Variants in RPTOR observed in about 807,000 individuals in gnomAD.
RPTOR encodes regulatory-associated protein of mTOR.
A neutral mutation model predicts 169.9 loss-of-function variants in RPTOR; 21 were observed. The observed-to-expected ratio is 0.12, with a 90% CI of 0.09 to 0.18. The LOEUF (loss-of-function observed/expected upper bound fraction) is 0.18, where lower values mean the gene tolerates loss of function less well. Ranked by LOEUF, RPTOR falls within the 10% of genes least tolerant of loss-of-function variation. RPTOR has a pLI of 1.00. For synonymous variants in RPTOR, 732 were observed against 753.2 expected (o/e 0.97, Z 0.46); for missense variants, 1,133 against 1,855.9 (o/e 0.61, Z 7.16).
intron 3 of RPTOR, among the ~76,000 whole-genome samples, chr17:80,677,776 C>A (rs1299352559): frequency 1.2e-5 from 1 of 83,484 alleles, no homozygotes; most frequent in Admixed American, 9.2e-5. Context: ...ACAAAATAAA[C>A]CCCAAGAAAG....
Position 80,965,127 on chromosome 17 carries a change from G to A in RPTOR, c.*797G>A. On this transcript the variant is annotated 3_prime_UTR_variant, in exon 34 of 34. Coordinates refer to ENST00000306801, the MANE Select transcript of RPTOR (RefSeq NM_020761.3). ...AGGTAGCCCCTGCCTTAATCCACGG[G>A]GCTCCTTTCCCTCCGAAGGGCTGCT... 4.3e-6 allele frequency: 1 copy of A among 233,344 alleles called. No individual in the cohort carries two copies. Among genetic ancestry groups the A allele is most frequent in the Non-Finnish European group, 8.5e-6 (1 of 118,080 alleles). The allele number at this position is 233,344 out of a possible 1,614,324, so 14.5% of individuals were successfully genotyped here.
chr17:80,784,784 C>T (rs1390202559), intron 6 of RPTOR, among the ~76,000 whole-genome samples: 2 of 151,830 alleles, frequency 1.3e-5, no homozygotes, highest in African/African-American at 4.8e-5. Context: ...CTGCAACCTC[C>T]GCCTCCCGAG....
intron 2 of RPTOR, among the ~76,000 whole-genome samples, chr17:80,635,580 T>G (rs115045603): frequency 1.3e-5 from 2 of 152,000 alleles, no homozygotes; most frequent in African/African-American, 4.8e-5. Flanking sequence ...GGAAAGTGGA[T>G]CTGGTGGGAG....
At chr17:80,753,503 T>G (rs987664419) in intron 5 of RPTOR, among the ~76,000 whole-genome samples, 44 of 150,922 alleles carry the variant, frequency 2.9e-4, no homozygotes, top group South Asian at 2.7e-3. Flanking sequence ...CATGGTGGCG[T>G]GCGCCTGTAG....
At chr17:80,607,076 C>T (rs1384443038) in intron 1 of RPTOR, among the ~76,000 whole-genome samples, 1 of 152,144 alleles carries the variant, frequency 6.6e-6, no homozygotes, top group Non-Finnish European at 1.5e-5. Context: ...GCATGTGAGG[C>T]TCAGACCCCA....
chr17:80,617,226 G>A (rs2065318540), intron 1 of RPTOR, among the ~76,000 whole-genome samples: 1 of 152,116 alleles, frequency 6.6e-6, no homozygotes. Context: ...CATTTGGTAC[G>A]ACCTTATATT....
chr17:80,922,942 G>C lies in RPTOR; in HGVS notation c.2624+115G>C, dbSNP rs549713045. On this transcript the variant is annotated intron_variant, in intron 22 of 33. Coordinates refer to ENST00000306801, the MANE Select transcript of RPTOR (RefSeq NM_020761.3). Reference sequence around the variant, plus strand: ...TCCTTCCCCGCCCTGTCTTGGCTTCGTCTCCTCCCCCCTCTCCAGCGGGCG... The same window carrying C: ...TCCTTCCCCGCCCTGTCTTGGCTTCCTCTCCTCCCCCCTCTCCAGCGGGCG... The C allele has an allele frequency of 1.1e-4, 89 of 845,124 alleles. No homozygotes were observed. The African/African-American group carries it at 1.4e-3, about 13-fold the overall frequency. 52.4% of individuals were successfully genotyped at this position (845,124 alleles called of 1,614,324 possible).
chr17:80,549,430 C>A (rs1237885944), intron 1 of RPTOR, among the ~76,000 whole-genome samples: 1 of 152,196 alleles, frequency 6.6e-6, no homozygotes, highest in African/African-American at 2.4e-5. Context: ...CTGCCGCAGC[C>A]TCCCGAGTAG....
At chr17:80,599,752 G>A (rs1042685118) in intron 1 of RPTOR, among the ~76,000 whole-genome samples, 1 of 152,206 alleles carries the variant, frequency 6.6e-6, no homozygotes, top group Non-Finnish European at 1.5e-5. Flanking sequence ...TACCCCGGAA[G>A]GAAAGGAGGG....
At chr17:80,694,074 C>A (rs1232189775) in intron 3 of RPTOR, among the ~76,000 whole-genome samples, 1 of 152,242 alleles carries the variant, frequency 6.6e-6, no homozygotes, top group Non-Finnish European at 1.5e-5. Flanking sequence ...GTCAAGAATG[C>A]GAGCTGAAGA....
Position 80,884,387 on chromosome 17 carries a change from C to T in RPTOR, c.1842+415C>T, listed in dbSNP as rs948019981. 5.3e-5 allele frequency among the ~76,000 whole-genome samples: 8 copies of T among 152,236 alleles called. No homozygotes were observed. The East Asian group carries it at 1.2e-3, about 22-fold the overall frequency. Reference sequence around the variant, plus strand: ...CGGGGCACTGCCCACAGAGTGGCCGCGGGCTGGAACTCTGGGAGTTTCATG... The same window carrying T: ...CGGGGCACTGCCCACAGAGTGGCCGTGGGCTGGAACTCTGGGAGTTTCATG... On this transcript the variant is annotated intron_variant, in intron 16 of 33. Transcript: ENST00000306801.
At chr17:80,681,447 GAC>G (rs1177749543) in intron 3 of RPTOR, among the ~76,000 whole-genome samples, 1 of 152,194 alleles carries the variant, frequency 6.6e-6, no homozygotes, top group African/African-American at 2.4e-5. Flanking sequence ...CCTGGCAGGT[GAC>G]AGTTCAGGGG....
intron 3 of RPTOR, among the ~76,000 whole-genome samples, chr17:80,698,412 C>T (rs2066055520): frequency 6.6e-6 from 1 of 152,074 alleles, no homozygotes; most frequent in South Asian, 2.1e-4. Context: ...ACCAGCTCCT[C>T]GTTTGCAGAG....
chr17:80,927,234 T>C (rs2143994592), intron 24 of RPTOR, among the ~76,000 whole-genome samples: 2 of 152,300 alleles, frequency 1.3e-5, no homozygotes, highest in South Asian at 4.1e-4. Context: ...GTCAATGGAA[T>C]TTAGTCTAAT....
At chr17:80,549,244 G>A (rs948425864) in intron 1 of RPTOR, among the ~76,000 whole-genome samples, 1 of 152,126 alleles carries the variant, frequency 6.6e-6, no homozygotes, top group Non-Finnish European at 1.5e-5. Flanking sequence ...AGTGAATGAG[G>A]CATATATGTA....
chr17:80,628,670 T>C (rs1246306307), intron 2 of RPTOR, among the ~76,000 whole-genome samples: 1 of 152,046 alleles, frequency 6.6e-6, no homozygotes, highest in Admixed American at 6.5e-5. Flanking sequence ...GAGATGGGTG[T>C]CTCTCAATGT....
chr17:80,825,050 T>C (rs12952357), intron 9 of RPTOR, among the ~76,000 whole-genome samples: 79 of 77,586 alleles, frequency 1.0e-3, no homozygotes, highest in Admixed American at 2.9e-3. Flanking sequence ...GCGAGGCCAG[T>C]ATGGGGCAGC....
At chr17:80,749,189 G>A (rs1442713427) in intron 5 of RPTOR, among the ~76,000 whole-genome samples, 1 of 7,442 alleles carries the variant, frequency 1.3e-4, no homozygotes, top group African/African-American at 9.0e-4. Context: ...AGGCCGTGGC[G>A]GGAGGACCTG....
At chr17:80,690,855 C>T (rs12452916) in intron 3 of RPTOR, among the ~76,000 whole-genome samples, 27,100 of 152,106 alleles carry the variant, frequency 0.18, 2,849 homozygotes, top group East Asian at 0.24. Flanking sequence ...AGTGCAGTGG[C>T]GCAAACATGG....
Sources: gnomAD v4.1 joint callset for allele counts (sites outside exome capture counted in the v4.1 genomes callset) on GRCh38, gnomAD v4.1.1 for gene constraint, MANE v1.5 for transcripts, NCBI Gene and HGNC (gene_info 2026-07-23, HGNC 2026-07-21) for gene names.